The following CDK8 variants were observed in gnomAD, a reference collection of about 807,000 sequenced individuals.
CDK8 encodes the protein cyclin-dependent kinase 8.
In CDK8, 29 loss-of-function variants were observed where a neutral mutation model predicts 71.5. The ratio of observed to expected loss-of-function variants is 0.41; its 90% confidence interval spans 0.30 to 0.55. The LOEUF is 0.55. CDK8 is among the 20% of genes least tolerant of loss of function. CDK8 has a pLI of 0.37. For synonymous variants in CDK8, 161 were observed against 192.1 expected (o/e 0.84, Z 1.34); for missense variants, 288 against 572.6 (o/e 0.50, Z 5.07).
At chr13:26,382,902 A>G (rs544120349) in intron 5 of CDK8, 31 bp downstream of exon 5, 1 of 1,495,792 alleles carries the variant, frequency 6.7e-7, no homozygotes, top group Non-Finnish European at 9.1e-7. Context: ...GTCACAGTGT[A>G]GCACTTTTTT....
intron 4 of CDK8, among the ~76,000 whole-genome samples, chr13:26,354,905 T>C (rs749678642): frequency 6.6e-6 from 1 of 152,242 alleles, no homozygotes; most frequent in Non-Finnish European, 1.5e-5. Context: ...GCTTTTATAG[T>C]TCTTTTCTTT....
At chr13:26,358,372 G>A (rs1873989590) in intron 4 of CDK8, among the ~76,000 whole-genome samples, 1 of 152,062 alleles carries the variant, frequency 6.6e-6, no homozygotes, top group Non-Finnish European at 1.5e-5. Context: ...AATAATGTGA[G>A]GTAAGTTATT....
At chr13:26,317,283 G>A (rs1437358588) in intron 1 of CDK8, among the ~76,000 whole-genome samples, 2 of 152,064 alleles carry the variant, frequency 1.3e-5, no homozygotes, top group Non-Finnish European at 2.9e-5. Flanking sequence ...ACAATGATAA[G>A]CATTTATGTA....
chr13:26,293,229 T>A (rs933771257), intron 1 of CDK8, among the ~76,000 whole-genome samples: 5 of 152,246 alleles, frequency 3.3e-5, no homozygotes, highest in Admixed American at 2.0e-4. Context: ...ATCTGAATGT[T>A]CTTTTTCATA....
intron 1 of CDK8, among the ~76,000 whole-genome samples, chr13:26,269,882 T>C (rs1324308418): frequency 6.6e-6 from 1 of 152,252 alleles, no homozygotes; most frequent in East Asian, 1.9e-4. Context: ...ATTTATTTAT[T>C]TTTTAGAGCA....
At chr13:26,368,708 C>T (rs1226385443) in intron 4 of CDK8, among the ~76,000 whole-genome samples, 1 of 152,102 alleles carries the variant, frequency 6.6e-6, no homozygotes, top group Non-Finnish European at 1.5e-5. Context: ...TTAAGTTTCA[C>T]TATTAGATAT....
At position 26,358,463 on chromosome 13, in the gene CDK8, G is replaced by A. The variant is rs184675239; in HGVS notation, c.456+4583G>A. The stretch of plus-strand genomic sequence containing the variant: ...AAGGCATTCTAAGAATTTTTACCTC[G>A]TATTATAAAGAAGGGACTAAGTGGG... On this transcript the variant is annotated intron_variant, in intron 4 of 12. Coordinates refer to ENST00000381527, the MANE Select transcript of CDK8 (RefSeq NM_001260.3). 2.6e-4 allele frequency among the ~76,000 whole-genome samples: 40 copies of A among 152,180 alleles called. No individual in the cohort carries two copies. In the East Asian group the frequency reaches 6.8e-3, roughly 26 times the overall value.
At chr13:26,353,030 A>C (rs1390219112) in intron 3 of CDK8, among the ~76,000 whole-genome samples, 2 of 152,226 alleles carry the variant, frequency 1.3e-5, no homozygotes, top group Non-Finnish European at 2.9e-5. Context: ...ATTTTCCTGC[A>C]ATTTAAGAGT....
At chr13:26,294,944 TTC>T (rs1484836250) in intron 1 of CDK8, among the ~76,000 whole-genome samples, 1 of 152,092 alleles carries the variant, frequency 6.6e-6, no homozygotes, top group Non-Finnish European at 1.5e-5. Flanking sequence ...GAGATGGGGT[TTC>T]ACCATGTTGG....
chr13:26,336,048 C>T (rs1036688611), intron 1 of CDK8, among the ~76,000 whole-genome samples: 13 of 151,996 alleles, frequency 8.6e-5, no homozygotes, highest in African/African-American at 2.4e-4. Flanking sequence ...TAGTTGTATA[C>T]AGTATCCAGT....
rs183420047 is a variant in CDK8 at position 26,323,008 on chromosome 13, T to A, written c.129-14559T>A. On this transcript the variant is annotated intron_variant, in intron 1 of 12. Transcript: ENST00000381527. ...CATTTAACTGGATGGTTGATTCTTG[T>A]TTGTTTTTTGGGCAATAGGTACATA... Among the ~76,000 whole-genome samples the A allele has an allele frequency of 2.6e-4, 39 of 152,288 alleles. 1 individual carries two copies. In the South Asian group the frequency reaches 4.3e-3, roughly 17 times the overall value.
chr13:26,273,858 T>G (rs1480464438), intron 1 of CDK8, among the ~76,000 whole-genome samples: 7 of 152,088 alleles, frequency 4.6e-5, no homozygotes, highest in African/African-American at 1.7e-4. Flanking sequence ...AAAATAAAAT[T>G]TACCCTAATT....
At chr13:26,328,774 T>C (rs1875147614) in intron 1 of CDK8, among the ~76,000 whole-genome samples, 1 of 152,224 alleles carries the variant, frequency 6.6e-6, no homozygotes, top group South Asian at 2.1e-4. Flanking sequence ...CCTTCCAGTT[T>C]TGGAAATTAT....
chr13:26,349,265 A>G (rs990486521), intron 3 of CDK8, 83 bp downstream of exon 3: 8 of 758,490 alleles, frequency 1.1e-5, no homozygotes, highest in African/African-American at 5.3e-5. Context: ...TCTGCTTATT[A>G]TGAGACTTAT....
At chr13:26,369,526 A>AT (rs1203523401) in intron 4 of CDK8, among the ~76,000 whole-genome samples, 1,749 of 98,440 alleles carry the variant, frequency 0.018, 105 homozygotes, top group African/African-American at 0.035. Context: ...AGGTTGGACG[A>AT]TTTTTTTTTT....
chr13:26,256,092 C>A (rs529833263), intron 1 of CDK8, among the ~76,000 whole-genome samples: 1 of 152,090 alleles, frequency 6.6e-6, no homozygotes, highest in Non-Finnish European at 1.5e-5. Context: ...TGCTTTTATG[C>A]AACAGTAAAG....
intron 1 of CDK8, among the ~76,000 whole-genome samples, chr13:26,258,442 T>C (rs576406575): frequency 1.8e-4 from 28 of 152,094 alleles, no homozygotes; most frequent in African/African-American, 6.0e-4. Context: ...TATGTAGATA[T>C]ATGGGTGTGT....
intron 6 of CDK8, among the ~76,000 whole-genome samples, chr13:26,392,339 T>G (rs1875787554): frequency 1.4e-5 from 2 of 148,140 alleles, no homozygotes; most frequent in African/African-American, 5.0e-5. Flanking sequence ...TTTTTTTTTT[T>G]TTTTTTGAGA....
chr13:26,395,353 C>T (rs1875936388), intron 7 of CDK8, among the ~76,000 whole-genome samples: 1 of 151,760 alleles, frequency 6.6e-6, no homozygotes, highest in Non-Finnish European at 1.5e-5. Context: ...CATGGGATTA[C>T]ATGCCTGTAA....
Sources: allele counts gnomAD v4.1 joint callset (sites outside exome capture counted in the v4.1 genomes callset), GRCh38; gene constraint gnomAD v4.1.1; transcripts MANE v1.5; gene names NCBI Gene and HGNC (gene_info 2026-07-23, HGNC 2026-07-21).